Variants in COL3A1 observed in about 807,000 individuals in gnomAD.
COL3A1 encodes collagen type III alpha 1 chain, also known as collagen alpha-1(III) chain.
Under a neutral mutation model 200.9 loss-of-function variants are expected in COL3A1, and 46 were observed. The observed-to-expected ratio is 0.23, with a 90% CI of 0.18 to 0.29. COL3A1 has a LOEUF of 0.29. COL3A1 is among the 10% of genes least tolerant of loss of function. The pLI is 1.00. For synonymous variants in COL3A1, 650 were observed against 628.0 expected (o/e 1.03, Z -0.52); for missense variants, 1,367 against 1,917.6 (o/e 0.71, Z 5.36).
At position 188,985,925 on chromosome 2, in the gene COL3A1, C is replaced by T. The variant is rs557820444; in HGVS notation, c.447+147C>T. 495 of 675,430 alleles carry T rather than the reference C, an allele frequency of 7.3e-4. 2 individuals are homozygous for T. The highest frequency in any genetic ancestry group is 1.2e-3 in the Non-Finnish European group (440 of 374,734). The allele number at this position is 675,430 out of a possible 1,614,324, so 41.8% of individuals were successfully genotyped here. A position where few individuals can be genotyped will look rare whatever the true frequency, so the allele number is the denominator to read the frequency against. The stretch of plus-strand genomic sequence containing the variant: ...TTTAATAAATCCTTATTTAGTGCTT[C>T]TATGTATTAGGCACTATTCTAAGTA... On this transcript the variant is annotated intron_variant, in intron 4 of 50. Transcript: ENST00000304636.
intron 50 of COL3A1, 102 bp from the exon 51 acceptor site, chr2:189,011,526 G>A (rs1190031805): frequency 7.4e-7 from 1 of 1,348,922 alleles, no homozygotes; most frequent in Non-Finnish European, 1.1e-6. Context: ...ATGGCACGAT[G>A]AATGCTTCTT....
At position 188,999,907 on chromosome 2, in the gene COL3A1, C is replaced by T. The variant is rs1394559584; in HGVS notation, c.2283+12C>T. The stretch of plus-strand genomic sequence containing the variant: ...AAGATGGCCCAAGGGTGAGTATTCC[C>T]AGTGAGGAGAAGCAGGCCTTATCTA... On this transcript the variant is annotated intron_variant, in intron 32 of 50. Coordinates refer to ENST00000304636, the MANE Select transcript of COL3A1 (RefSeq NM_000090.4). The T allele has an allele frequency of 1.3e-6, 2 of 1,582,780 alleles. No homozygotes were observed. The highest frequency in any genetic ancestry group is 3.8e-5 in the Admixed American group (2 of 53,210).
Position 188,989,404 on chromosome 2 carries a change from A to G in COL3A1, c.645A>G (p.Pro215=), listed in dbSNP as rs1000777138. ...TATTTCCTTATTTTCAGGGCCCTCC[A>G]GGACCTCCTGGTGCTATAGGTCCAT... ...EPGQAGPSGP[P]GPPGAIGPSG... The change falls in exon 8 of 51, where the codon CCA becomes CCG. Residue 215 remains proline, a synonymous_variant. Coordinates refer to ENST00000304636, the MANE Select transcript of COL3A1 (RefSeq NM_000090.4). The G allele has an allele frequency of 6.2e-7, 1 of 1,603,210 alleles. No homozygotes were observed.
chr2:189,010,471 T>C, intron 49 of COL3A1, 106 bp downstream of exon 49: 1 of 1,492,726 alleles, frequency 6.7e-7, no homozygotes, highest in African/African-American at 1.4e-5. Flanking sequence ...CAAACATAAT[T>C]GCAGTTTTTG....
chr2:188,981,566 A>G (rs896108071), intron 1 of COL3A1, among the ~76,000 whole-genome samples: 2 of 151,532 alleles, frequency 1.3e-5, no homozygotes, highest in African/African-American at 4.8e-5. Flanking sequence ...GAAAAAATTA[A>G]CTTATTTTTT....
chr2:188,999,847 A>G lies in COL3A1; in HGVS notation c.2235A>G (p.Glu745=). Residue 745 remains glutamate (E), a synonymous_variant, in exon 32 of 51, where the codon GAA becomes GAG. Coordinates refer to ENST00000304636, the MANE Select transcript of COL3A1 (RefSeq NM_000090.4). ...GSPGPKGDKG[E]PGGPGADGVP... ...CATTGGCTTTTATTTGACAGGGTGA[A>G]CCAGGCGGTCCAGGTGCTGATGGTG... is the stretch of plus-strand genomic sequence containing the variant. 2 of 1,596,062 alleles carry G rather than the reference A, an allele frequency of 1.3e-6. No homozygotes were observed. The highest frequency in any genetic ancestry group is 1.7e-6 in the Non-Finnish European group (2 of 1,172,386).
intron 48 of COL3A1, 111 bp from the exon 49 acceptor site, chr2:189,010,067 A>G: frequency 1.0e-6 from 1 of 990,024 alleles, no homozygotes; most frequent in Non-Finnish European, 1.6e-6. Flanking sequence ...TATACATAAA[A>G]TGCAGACACA....
At chr2:189,001,109 C>T (rs1295585262) in intron 32 of COL3A1, among the ~76,000 whole-genome samples, 1 of 152,156 alleles carries the variant, frequency 6.6e-6, no homozygotes, top group Non-Finnish European at 1.5e-5. Context: ...ACTGTAAGAT[C>T]TTACATGACA....
Position 188,994,044 on chromosome 2 carries a change from C to T in COL3A1, c.1156C>T (p.Pro386Ser), listed in dbSNP as rs757192342. ...CTGTTTTTTGTATACTTAGGGCCCTCCTGGGATTAATGGTAGTCCTGGTGG... is the reference window on the plus strand; with the variant it reads ...CTGTTTTTTGTATACTTAGGGCCCTTCTGGGATTAATGGTAGTCCTGGTGG... ...HAGAQGPPGP[P>S]GINGSPGGKG... Residue 386 changes from proline (P) to serine (S), a missense_variant, in exon 17 of 51, where the codon CCT becomes TCT. This residue lies in a region of COL3A1 where 462 missense variants were observed against 681.4 expected (regional missense o/e 0.68). Coordinates refer to ENST00000304636, the MANE Select transcript of COL3A1 (RefSeq NM_000090.4). The surrounding 1 kb of genome is among the most constrained non-coding windows in gnomAD (Gnocchi z 4.5). The T allele has an allele frequency of 6.6e-5, 106 of 1,613,840 alleles. No individual in the cohort carries two copies. The highest frequency in any genetic ancestry group is 8.6e-5 in the Non-Finnish European group (101 of 1,179,938).
intron 31 of COL3A1, 88 bp from the exon 32 acceptor site, chr2:188,999,754 C>A: frequency 7.1e-7 from 1 of 1,412,244 alleles, no homozygotes; most frequent in South Asian, 1.2e-5. Flanking sequence ...CAATATATAT[C>A]CCTACAAATC....
Position 188,984,972 on chromosome 2 carries a change from A to G in COL3A1, c.282+10A>G. 6.2e-7 allele frequency: 1 copy of G among 1,610,158 alleles called. No individual in the cohort carries two copies. The highest frequency in any genetic ancestry group is 8.5e-7 in the Non-Finnish European group (1 of 1,177,132). The stretch of plus-strand genomic sequence containing the variant: ...ACAGCCTCCAACTGCTGTGAGTTTA[A>G]AGATAAACTGTACATCTTCAATATT... On this transcript the variant is annotated intron_variant, in intron 2 of 50. Transcript: ENST00000304636.
chr2:188,977,407 C>T (rs903017612), intron 1 of COL3A1, among the ~76,000 whole-genome samples: 4 of 151,934 alleles, frequency 2.6e-5, no homozygotes, highest in South Asian at 2.1e-4. Context: ...TCTTATTAGA[C>T]GTCATGAGAG....
At chr2:188,989,312 T>C (rs1273081590) in intron 7 of COL3A1, 84 bp from the exon 8 acceptor site, 5 of 992,590 alleles carry the variant, frequency 5.0e-6, no homozygotes, top group Non-Finnish European at 6.1e-6. Context: ...AGGAGGTTCC[T>C]TCCAGGAATA....
chr2:189,006,894 C>T, intron 43 of COL3A1, 43 bp from the exon 44 acceptor site: 3 of 1,598,752 alleles, frequency 1.9e-6, no homozygotes, highest in Non-Finnish European at 2.6e-6. Flanking sequence ...ACACATAAAA[C>T]TAGTTCCGTG....
At chr2:189,007,773 A>C in intron 45 of COL3A1, 112 bp from the exon 46 acceptor site, 1 of 1,417,212 alleles carries the variant, frequency 7.1e-7, no homozygotes, top group Non-Finnish European at 9.9e-7. Context: ...AAGATTAAAG[A>C]AAGAAAAAAA....
chr2:188,998,310 T>C lies in COL3A1; in HGVS notation c.1968T>C (p.Pro656=). 1 of 1,613,724 alleles carries C rather than the reference T, an allele frequency of 6.2e-7. No individual in the cohort carries two copies. Among genetic ancestry groups the C allele is most frequent in the Non-Finnish European group, 8.5e-7 (1 of 1,179,732 alleles). The change falls in exon 28 of 51, where the codon CCT becomes CCC. Residue 656 remains proline, a synonymous_variant. Transcript: ENST00000304636. ...TGGPPGENGK[P]GEPGPKGDAG... ...GTCCTCCAGGAGAAAATGGAAAACCTGGGGAACCAGTAAGTTACGTTTCAT... is the reference window on the plus strand; with the variant it reads ...GTCCTCCAGGAGAAAATGGAAAACCCGGGGAACCAGTAAGTTACGTTTCAT...
At chr2:189,008,816 G>A in intron 47 of COL3A1, 108 bp from the exon 48 acceptor site, 1 of 1,226,458 alleles carries the variant, frequency 8.2e-7, no homozygotes, top group Non-Finnish European at 1.2e-6. Context: ...TAATTCTGAT[G>A]ACACAATGAA....
intron 41 of COL3A1, 52 bp downstream of exon 41, chr2:189,005,509 C>T: frequency 3.4e-6 from 5 of 1,483,466 alleles, no homozygotes; most frequent in Non-Finnish European, 4.7e-6. Context: ...TAATTTATTT[C>T]AGCAAAGGTG....
intron 35 of COL3A1, 133 bp downstream of exon 35, chr2:189,002,484 C>T (rs1688490342): frequency 3.8e-6 from 3 of 780,148 alleles, no homozygotes; most frequent in Non-Finnish European, 4.4e-6. Flanking sequence ...TTATTGTACC[C>T]CTATTTTGTT....
Sources: allele counts gnomAD v4.1 joint callset (sites outside exome capture counted in the v4.1 genomes callset), GRCh38; gene constraint gnomAD v4.1.1; regional missense constraint gnomAD v4.1.1; non-coding constraint Gnocchi (gnomAD v3.1); transcripts MANE v1.5; gene names NCBI Gene and HGNC (gene_info 2026-07-23, HGNC 2026-07-21).